Variants in CNTNAP5 observed in about 807,000 individuals in gnomAD.
CNTNAP5 encodes contactin-associated protein-like 5.
A neutral mutation model predicts 150.2 loss-of-function variants in CNTNAP5; 72 were observed. The ratio of observed to expected loss-of-function variants is 0.48; its 90% CI spans 0.40 to 0.58. The LOEUF is 0.58. Ranked by LOEUF, CNTNAP5 falls within the 20% of genes least tolerant of loss-of-function variation. CNTNAP5 has a pLI of 0.00. For synonymous variants in CNTNAP5, 672 were observed against 619.8 expected (o/e 1.08, Z -1.25); for missense variants, 1,636 against 1,626.2 (o/e 1.01, Z -0.10).
chr2:124,781,356 G>A (rs565965199), intron 17 of CNTNAP5, among the ~76,000 whole-genome samples: 9 of 152,168 alleles, frequency 5.9e-5, no homozygotes, highest in Non-Finnish European at 1.2e-4. Flanking sequence ...AACTCCATGC[G>A]GAGGCAGGCC....
chr2:124,915,218 A>G lies in CNTNAP5; in HGVS notation c.*930A>G, dbSNP rs553874643. On this transcript the variant is annotated 3_prime_UTR_variant, in exon 24 of 24. Coordinates refer to ENST00000682447, the MANE Select transcript of CNTNAP5 (RefSeq NM_001367498.1). The stretch of plus-strand genomic sequence containing the variant: ...TATACACACACACACACACACACAC[A>G]TATATATATATACACACACGCACAC... 5 of 162,748 alleles carry G rather than the reference A, an allele frequency of 3.1e-5. No homozygotes were observed. The East Asian group carries it at 9.8e-4, about 32-fold the overall frequency. The allele number at this position is 162,748 out of a possible 1,614,324, so 10.1% of individuals were successfully genotyped here. A position where few individuals can be genotyped will look rare whatever the true frequency, so the allele number is the denominator to read the frequency against.
chr2:124,268,486 G>C (rs982520265), intron 3 of CNTNAP5, among the ~76,000 whole-genome samples: 4 of 152,134 alleles, frequency 2.6e-5, no homozygotes, highest in African/African-American at 9.7e-5. Flanking sequence ...GACCAAGATG[G>C]GTCCTGGGGC....
chr2:124,914,420 TCCA>T lies in CNTNAP5; in HGVS notation c.*137_*139del. ...ATGTCTTTTCTGGAACATACTTGCA[TCCA>T]CCACAGCATCAATTCCCTTGATCCA... On this transcript the variant is annotated 3_prime_UTR_variant, in exon 24 of 24. Coordinates refer to ENST00000682447, the MANE Select transcript of CNTNAP5 (RefSeq NM_001367498.1). 1 of 689,116 alleles carries T rather than the reference TCCA, an allele frequency of 1.5e-6. No individual in the cohort carries two copies. The highest frequency in any genetic ancestry group is 2.5e-6 in the Non-Finnish European group (1 of 402,996). 42.7% of individuals were successfully genotyped at this position (689,116 alleles called of 1,614,324 possible).
chr2:124,675,871 A>T (rs1351709329), intron 13 of CNTNAP5, among the ~76,000 whole-genome samples: 29 of 151,954 alleles, frequency 1.9e-4, no homozygotes, highest in Non-Finnish European at 2.9e-5. Flanking sequence ...CTTCTTTAGG[A>T]ACAGTTTTTG....
At chr2:124,408,100 C>T in intron 3 of CNTNAP5, among the ~76,000 whole-genome samples, 1 of 152,216 alleles carries the variant, frequency 6.6e-6, no homozygotes. Context: ...AGTTCCCTTT[C>T]CGAGTCAAAG....
At chr2:124,439,937 C>T (rs978966567) in intron 5 of CNTNAP5, among the ~76,000 whole-genome samples, 3 of 152,104 alleles carry the variant, frequency 2.0e-5, no homozygotes, top group African/African-American at 4.8e-5. Context: ...AGCTACATAA[C>T]TTACATGCAT....
chr2:124,405,317 T>G (rs1385767961), intron 3 of CNTNAP5, among the ~76,000 whole-genome samples: 1 of 152,166 alleles, frequency 6.6e-6, no homozygotes, highest in Non-Finnish European at 1.5e-5. Context: ...GCTGAAACCT[T>G]CTTTGATGAT....
chr2:124,038,850 A>G (rs1213964), intron 1 of CNTNAP5, among the ~76,000 whole-genome samples: 22,968 of 152,198 alleles, frequency 0.15, 2,113 homozygotes, highest in Non-Finnish European at 0.21. Flanking sequence ...CATTTGAGGA[A>G]GAGTGGGGAT....
intron 1 of CNTNAP5, among the ~76,000 whole-genome samples, chr2:124,107,990 C>G (rs1185827614): frequency 6.6e-6 from 1 of 152,214 alleles, no homozygotes; most frequent in Non-Finnish European, 1.5e-5. Context: ...CCTTGATCTA[C>G]CTTTCACTGA....
intron 12 of CNTNAP5, among the ~76,000 whole-genome samples, chr2:124,624,801 GA>G (rs1170540761): frequency 6.6e-6 from 1 of 152,222 alleles, no homozygotes; most frequent in African/African-American, 2.4e-5. Context: ...GTGGTGGGCA[GA>G]GAAGATGCCC....
intron 13 of CNTNAP5, among the ~76,000 whole-genome samples, chr2:124,739,551 T>C (rs530513973): frequency 1.3e-5 from 2 of 152,288 alleles, no homozygotes; most frequent in South Asian, 4.1e-4. Flanking sequence ...GTGGCCTCGT[T>C]CTCTAGATTT....
At chr2:124,895,561 G>T (rs1039914882) in intron 21 of CNTNAP5, among the ~76,000 whole-genome samples, 3 of 151,560 alleles carry the variant, frequency 2.0e-5, no homozygotes, top group African/African-American at 7.3e-5. Flanking sequence ...GGAGGATGAG[G>T]CTGCAGTGAA....
At chr2:124,679,693 TGAGCAGCTGGGACTGCAG>T (rs1430761847) in intron 13 of CNTNAP5, among the ~76,000 whole-genome samples, 1 of 151,634 alleles carries the variant, frequency 6.6e-6, no homozygotes, top group Non-Finnish European at 1.5e-5. Flanking sequence ...CTCAGCCTCC[TGAGCAGCTGGGACTGCAG>T]GCACCACCAT....
intron 13 of CNTNAP5, among the ~76,000 whole-genome samples, chr2:124,681,628 A>G (rs1013435594): frequency 6.6e-6 from 1 of 152,218 alleles, no homozygotes; most frequent in Non-Finnish European, 1.5e-5. Context: ...CAGTGCTACG[A>G]TCTCTGCTCA....
intron 19 of CNTNAP5, among the ~76,000 whole-genome samples, chr2:124,839,433 C>T (rs1483453598): frequency 6.6e-6 from 1 of 151,578 alleles, no homozygotes; most frequent in Non-Finnish European, 1.5e-5. Flanking sequence ...CACACTCTCT[C>T]TCTCTCTCTC....
At chr2:124,506,885 T>C (rs1455085732) in intron 8 of CNTNAP5, among the ~76,000 whole-genome samples, 1 of 152,192 alleles carries the variant, frequency 6.6e-6, no homozygotes, top group Non-Finnish European at 1.5e-5. Flanking sequence ...GAAGATCTGC[T>C]TCCGCACTCA....
At chr2:124,489,653 T>G (rs192307626) in intron 7 of CNTNAP5, among the ~76,000 whole-genome samples, 1 of 152,240 alleles carries the variant, frequency 6.6e-6, no homozygotes, top group Non-Finnish European at 1.5e-5. Flanking sequence ...AAAACAAAAC[T>G]AAAATATAGG....
At chr2:124,525,960 C>T (rs992044804) in intron 9 of CNTNAP5, among the ~76,000 whole-genome samples, 2 of 152,116 alleles carry the variant, frequency 1.3e-5, no homozygotes, top group Admixed American at 6.6e-5. Flanking sequence ...TTATAATGAT[C>T]GTAGAACAAG....
rs1682230907 is a variant in CNTNAP5, at chr2:124,811,878, G to A, written c.3217+13558G>A. ...AATCGCTTGAACCCGGGAGGCAGAGGTTGCAGAGAGTCAAAATTGTGCCAC... is the reference window on the plus strand; with the variant it reads ...AATCGCTTGAACCCGGGAGGCAGAGATTGCAGAGAGTCAAAATTGTGCCAC... On this transcript the variant is annotated intron_variant, in intron 19 of 23. Transcript: ENST00000682447. 2.1e-5 allele frequency among the ~76,000 whole-genome samples: 3 copies of A among 144,238 alleles called. No homozygotes were observed. The South Asian group carries it at 6.4e-4, about 31-fold the overall frequency. The allele number at this position is 144,238 out of a possible 152,430, so 94.6% of individuals were successfully genotyped here. A position where few individuals can be genotyped will look rare whatever the true frequency, so the allele number is the denominator to read the frequency against.
Sources: allele counts gnomAD v4.1 joint callset (sites outside exome capture counted in the v4.1 genomes callset), GRCh38; gene constraint gnomAD v4.1.1; transcripts MANE v1.5; gene names NCBI Gene and HGNC (gene_info 2026-07-23, HGNC 2026-07-21).